ASAP2: variants seen among roughly 807,000 people sequenced by gnomAD.
ASAP2 encodes the protein ArfGAP with SH3 domain, ankyrin repeat and PH domain 2.
Under a neutral mutation model 131.4 loss-of-function variants are expected in ASAP2, and 45 were observed. The observed-to-expected ratio is 0.34, with a 90% confidence interval of 0.27 to 0.44. The LOEUF is 0.44. ASAP2 is among the 20% of genes least tolerant of loss of function. The pLI is 1.00. For missense variants in ASAP2, 1,011 were observed against 1,297.0 expected, an observed-to-expected ratio of 0.78 and a Z score of 3.39; for synonymous variants, 510 against 503.0, an observed-to-expected ratio of 1.01 and a Z score of -0.19.
chr2:9,258,422 G>T (rs1477823802), intron 1 of ASAP2, among the ~76,000 whole-genome samples: 1 of 145,700 alleles, frequency 6.9e-6, no homozygotes, highest in Non-Finnish European at 1.5e-5. Flanking sequence ...GTAATTGTAA[G>T]ATTTCCTTCT....
chr2:9,258,332 G>GTTT lies in ASAP2; in HGVS notation c.127-20983_127-20982insTTT, dbSNP rs769009726. On this transcript the variant is annotated intron_variant, in intron 1 of 27. Coordinates refer to ENST00000281419, the MANE Select transcript of ASAP2 (RefSeq NM_003887.3). Reference sequence around the variant, plus strand: ...TTCACAGTATTGATAGTAATCAGTAGTTGTTTTTTTTTTTTTTTTTTGAGA... The same window carrying GTTT: ...TTCACAGTATTGATAGTAATCAGTAGTTTTTGTTTTTTTTTTTTTTTTTTGAGA... Among the ~76,000 whole-genome samples the GTTT allele has an allele frequency of 1.0e-3, 118 of 112,484 alleles. 1 individual carries two copies. The highest frequency in any genetic ancestry group is 3.0e-3 in the African/African-American group (80 of 26,608). 73.8% of individuals were successfully genotyped at this position (112,484 alleles called of 152,430 possible).
At chr2:9,329,729 T>G (rs1670709432) in intron 7 of ASAP2, among the ~76,000 whole-genome samples, 1 of 152,208 alleles carries the variant, frequency 6.6e-6, no homozygotes, top group Middle Eastern at 3.2e-3. Context: ...CTTTTCCTTG[T>G]GGAATTGCCA....
At chr2:9,300,510 T>G (rs1277947359) in intron 3 of ASAP2, among the ~76,000 whole-genome samples, 1 of 152,238 alleles carries the variant, frequency 6.6e-6, no homozygotes, top group Non-Finnish European at 1.5e-5. Flanking sequence ...CACATATCAC[T>G]GCAGGTCCTA....
intron 19 of ASAP2, among the ~76,000 whole-genome samples, chr2:9,380,485 A>G (rs1212478715): frequency 6.6e-6 from 1 of 152,228 alleles, no homozygotes; most frequent in Non-Finnish European, 1.5e-5. Flanking sequence ...GGCGTGAGCC[A>G]CTGCGCCTGG....
intron 1 of ASAP2, among the ~76,000 whole-genome samples, chr2:9,270,431 A>T (rs2709594): frequency 0.94 from 141,039 of 150,558 alleles, 66,479 homozygotes; most frequent in Non-Finnish European, 1. Context: ...ATTTTTTTTT[A>T]AATTTTTGAT....
At chr2:9,230,449 GC>G (rs1238240882) in intron 1 of ASAP2, among the ~76,000 whole-genome samples, 1 of 152,224 alleles carries the variant, frequency 6.6e-6, no homozygotes, top group Non-Finnish European at 1.5e-5. Flanking sequence ...TGAGCCCAGG[GC>G]CTGGAACCTG....
At chr2:9,271,434 C>A in intron 1 of ASAP2, 1 of 1,430,540 alleles carries the variant, frequency 7.0e-7, no homozygotes, top group South Asian at 1.2e-5. Context: ...TGCAGGCAAA[C>A]TTCTTAAACG....
chr2:9,345,794 A>T (rs1671927413), intron 11 of ASAP2, among the ~76,000 whole-genome samples: 1 of 152,100 alleles, frequency 6.6e-6, no homozygotes, highest in African/African-American at 2.4e-5. Context: ...CCCCTATAGA[A>T]ATGTCATCAC....
chr2:9,302,122 C>CTT (rs60869426), intron 3 of ASAP2, among the ~76,000 whole-genome samples: 10,182 of 103,286 alleles, frequency 0.099, 634 homozygotes, highest in African/African-American at 0.17. Context: ...CGCGCCCGGC[C>CTT]TTTTTTTTTT....
At chr2:9,240,865 CA>C (rs1382772790) in intron 1 of ASAP2, among the ~76,000 whole-genome samples, 4 of 152,184 alleles carry the variant, frequency 2.6e-5, no homozygotes, top group Admixed American at 6.5e-5. Context: ...GTTACTTGAA[CA>C]CAGGCTCTGC....
rs184403783 is a variant in ASAP2 at position 9,276,241 on chromosome 2, T to C, written c.127-3076T>C. Among the ~76,000 whole-genome samples, 160 of 152,302 alleles carry C rather than the reference T, an allele frequency of 1.1e-3. 1 individual carries two copies. The highest frequency in any genetic ancestry group is 7.8e-4 in the Non-Finnish European group (53 of 68,030). On this transcript the variant is annotated intron_variant, in intron 1 of 27. Transcript: ENST00000281419. ...TATGGGAAAAGCTGAGATGAGTACC[T>C]GCCACCCTATCGTGGAGGTGGCAAG...
chr2:9,230,180 C>T (rs1415813585), intron 1 of ASAP2, among the ~76,000 whole-genome samples: 3 of 152,180 alleles, frequency 2.0e-5, no homozygotes, highest in Non-Finnish European at 4.4e-5. Flanking sequence ...ATGTAAACAG[C>T]TGATTACCAT....
chr2:9,309,962 T>C (rs1193814568), intron 3 of ASAP2, among the ~76,000 whole-genome samples: 2 of 152,216 alleles, frequency 1.3e-5, no homozygotes, highest in Admixed American at 1.3e-4. Context: ...GGCCGTGAGC[T>C]CTGGCTCCTG....
At chr2:9,359,341 T>C (rs532341768) in intron 15 of ASAP2, among the ~76,000 whole-genome samples, 5 of 152,380 alleles carry the variant, frequency 3.3e-5, no homozygotes, top group Admixed American at 2.6e-4. Flanking sequence ...GGGGGAGATA[T>C]TGGTCTTCAT....
At chr2:9,273,655 G>A (rs1558286616) in intron 1 of ASAP2, among the ~76,000 whole-genome samples, 1 of 152,192 alleles carries the variant, frequency 6.6e-6, no homozygotes, top group Non-Finnish European at 1.5e-5. Flanking sequence ...TGGTTGGGTC[G>A]GAGATGAACT....
At position 9,311,357 on chromosome 2, in the gene ASAP2, CA is replaced by C. The variant is rs35796016; in HGVS notation, c.346-7156del. Among the ~76,000 whole-genome samples, 53,541 of 138,470 alleles carry C rather than the reference CA, an allele frequency of 0.39. 9,671 individuals are homozygous for C. Among genetic ancestry groups the C allele is most frequent in the African/African-American group, 0.46 (17,425 of 37,988 alleles). The allele number at this position is 138,470 out of a possible 152,430, so 90.8% of individuals were successfully genotyped here. The stretch of plus-strand genomic sequence containing the variant: ...CCATCCTGGGTGAGAGGCACTCTCT[CA>C]AAAAAAAAAAGAAAAAAAAAGTTTG... On this transcript the variant is annotated intron_variant, in intron 3 of 27. Coordinates refer to ENST00000281419, the MANE Select transcript of ASAP2 (RefSeq NM_003887.3). The surrounding 1 kb of genome is among the most constrained non-coding windows in gnomAD (Gnocchi z 5.2).
intron 8 of ASAP2, 62 bp downstream of exon 8, chr2:9,334,875 A>G: frequency 6.5e-7 from 1 of 1,536,468 alleles, no homozygotes; most frequent in East Asian, 2.2e-5. Context: ...ATTTTCATCT[A>G]AATGTCACTT....
intron 2 of ASAP2, among the ~76,000 whole-genome samples, chr2:9,280,535 G>A (rs180915806): frequency 9.5e-4 from 145 of 152,214 alleles, no homozygotes; most frequent in African/African-American, 3.1e-3. Flanking sequence ...AACAGAAGAC[G>A]CACAGGAATC....
rs113073326 is a variant in ASAP2 at position 9,365,919 on chromosome 2, GAACTTA to G, written c.1462-2502_1462-2497del. Among the ~76,000 whole-genome samples, 1,007 of 152,240 alleles carry G rather than the reference GAACTTA, an allele frequency of 6.6e-3. 11 individuals are homozygous for G. Among genetic ancestry groups the G allele is most frequent in the African/African-American group, 0.023 (954 of 41,538 alleles). On this transcript the variant is annotated intron_variant, in intron 15 of 27. Transcript: ENST00000281419. ...GGGCTGAGCTACCCTGGGTGATACA[GAACTTA>G]AACACTCCCTCCTCTCCTCCATCCA...
Sources: allele counts gnomAD v4.1 joint callset (sites outside exome capture counted in the v4.1 genomes callset), GRCh38; gene constraint gnomAD v4.1.1; non-coding constraint Gnocchi (gnomAD v3.1); transcripts MANE v1.5; gene names NCBI Gene and HGNC (gene_info 2026-07-23, HGNC 2026-07-21).